Variants in PTPRD observed in about 807,000 individuals in gnomAD.
PTPRD encodes the protein protein tyrosine phosphatase receptor type D.
A neutral mutation model predicts 214.5 loss-of-function variants in PTPRD; 34 were observed. That is an observed-to-expected ratio of 0.16 (90% confidence interval 0.12 to 0.21). The LOEUF is 0.21. Ranked by LOEUF, PTPRD falls within the 10% of genes least tolerant of loss-of-function variation. The pLI is 1.00. For synonymous variants in PTPRD, 1,128 were observed against 845.7 expected, an observed-to-expected ratio of 1.33 and a Z score of -5.79; for missense variants, 2,545 against 2,398.7, an observed-to-expected ratio of 1.06 and a Z score of -1.27.
chr9:10,192,088 T>C (rs954993209), intron 3 of PTPRD, among the ~76,000 whole-genome samples: 38 of 152,212 alleles, frequency 2.5e-4, no homozygotes, highest in African/African-American at 8.7e-4. Context: ...GTGATACATA[T>C]TTTATCATAA....
At position 10,113,599 on chromosome 9, in the gene PTPRD, C is replaced by G. The variant is rs755401010; in HGVS notation, c.-544-79809G>C. On this transcript the variant is annotated intron_variant, in intron 3 of 45. Coordinates refer to ENST00000381196, the MANE Select transcript of PTPRD (RefSeq NM_002839.4). Reference sequence around the variant, plus strand: ...ACAGATTCCAGACACCTCTCCAGACCTAGAGAAACAATCTCCAGCGAGAGA... The same window carrying G: ...ACAGATTCCAGACACCTCTCCAGACGTAGAGAAACAATCTCCAGCGAGAGA... Among the ~76,000 whole-genome samples, 3 of 152,098 alleles carry G rather than the reference C, an allele frequency of 2.0e-5. No homozygotes were observed. In the South Asian group the frequency reaches 6.2e-4, roughly 31 times the overall value.
intron 5 of PTPRD, among the ~76,000 whole-genome samples, chr9:9,884,561 C>T (rs10117984): frequency 0.023 from 3,550 of 152,200 alleles, 55 homozygotes; most frequent in Middle Eastern, 0.044. Flanking sequence ...GCTGGAAAGG[C>T]CTTGAAGACA....
intron 11 of PTPRD, among the ~76,000 whole-genome samples, chr9:8,782,459 A>C (rs1352629643): frequency 6.6e-6 from 1 of 152,036 alleles, no homozygotes; most frequent in Non-Finnish European, 1.5e-5. Context: ...CTCCTATCTA[A>C]CTGTAATTTT....
At chr9:10,240,874 C>G (rs569974444) in intron 3 of PTPRD, among the ~76,000 whole-genome samples, 13 of 151,690 alleles carry the variant, frequency 8.6e-5, no homozygotes, top group Non-Finnish European at 1.0e-4. Context: ...AATAATTAGA[C>G]TTTTTCAAAA....
chr9:10,520,052 A>G (rs2051639377), intron 2 of PTPRD, among the ~76,000 whole-genome samples: 3 of 152,176 alleles, frequency 2.0e-5, no homozygotes, highest in African/African-American at 7.2e-5. Context: ...AAGTAAAAGG[A>G]AGAGTCCCAT....
intron 6 of PTPRD, among the ~76,000 whole-genome samples, chr9:9,739,083 C>A (rs924900063): frequency 2.1e-4 from 32 of 152,130 alleles, no homozygotes; most frequent in African/African-American, 7.7e-4. Flanking sequence ...CACACTTACA[C>A]AATAATAGTT....
chr9:9,304,520 G>C (rs1956487534), intron 9 of PTPRD, among the ~76,000 whole-genome samples: 1 of 151,870 alleles, frequency 6.6e-6, no homozygotes, highest in African/African-American at 2.4e-5. Context: ...TGTGGAACTT[G>C]GAGCATTTTA....
intron 6 of PTPRD, among the ~76,000 whole-genome samples, chr9:9,757,062 T>C (rs1355322191): frequency 6.6e-6 from 1 of 152,210 alleles, no homozygotes; most frequent in Non-Finnish European, 1.5e-5. Context: ...TATTTTATCT[T>C]AGATGGTCTA....
At chr9:10,607,209 T>A (rs995028337) in intron 2 of PTPRD, among the ~76,000 whole-genome samples, 1 of 151,860 alleles carries the variant, frequency 6.6e-6, no homozygotes, top group Non-Finnish European at 1.5e-5. Context: ...ATTTCAAATT[T>A]AAAATATTTA....
intron 11 of PTPRD, among the ~76,000 whole-genome samples, chr9:8,776,478 A>G (rs1233072652): frequency 6.6e-6 from 1 of 151,666 alleles, no homozygotes; most frequent in Non-Finnish European, 1.5e-5. Flanking sequence ...ATTTTTGGTT[A>G]GTAAAGATGG....
At chr9:10,403,598 A>G (rs1325627112) in intron 2 of PTPRD, among the ~76,000 whole-genome samples, 1 of 151,548 alleles carries the variant, frequency 6.6e-6, no homozygotes, top group African/African-American at 2.4e-5. Flanking sequence ...CATGGGCTCC[A>G]GCAAGTGAGC....
intron 10 of PTPRD, among the ~76,000 whole-genome samples, chr9:9,175,898 G>A (rs1436376018): frequency 6.6e-6 from 1 of 152,000 alleles, no homozygotes. Flanking sequence ...ATAACTTAAT[G>A]CCCCAAATCT....
At chr9:9,171,813 G>A (rs1403971877) in intron 10 of PTPRD, among the ~76,000 whole-genome samples, 1 of 151,970 alleles carries the variant, frequency 6.6e-6, no homozygotes. Flanking sequence ...AAAGTTCATA[G>A]AATAAATCTC....
chr9:8,518,334 A>T lies in PTPRD; in HGVS notation c.1057T>A (p.Tyr353Asn), dbSNP rs2097823260. Residue 353 changes from tyrosine (Y) to asparagine (N), a missense_variant, in exon 21 of 46, where the codon TAT (tyrosine) becomes AAT (asparagine). Tyr to Asn is a moderately radical substitution (Grantham distance 143). Transcript: ENST00000381196. ...TTAGGTTTATGCTGAATTATGTAAT[A>T]AGAAACAGGCTCAGGGTTCCCAGAG... is the stretch of plus-strand genomic sequence containing the variant. ...WDSGNPEPVS[Y>N]YIIQHKPKNS... 1 of 1,614,146 alleles carries T rather than the reference A, an allele frequency of 6.2e-7. No individual in the cohort carries two copies. Among genetic ancestry groups the T allele is most frequent in the Non-Finnish European group, 8.5e-7 (1 of 1,180,012 alleles).
chr9:9,856,124 TCCGG>T (rs1373351139), intron 5 of PTPRD, among the ~76,000 whole-genome samples: 1 of 152,100 alleles, frequency 6.6e-6, no homozygotes, highest in Admixed American at 6.5e-5. Context: ...TCACCTGAAG[TCCGG>T]CCATCTGCGG....
intron 3 of PTPRD, among the ~76,000 whole-genome samples, chr9:10,194,632 A>G (rs1188669078): frequency 6.6e-6 from 1 of 151,224 alleles, no homozygotes; most frequent in Non-Finnish European, 1.5e-5. Context: ...AGCACTATAA[A>G]TTATTTCTCC....
At chr9:9,041,465 A>G (rs1164178405) in intron 10 of PTPRD, among the ~76,000 whole-genome samples, 1 of 152,068 alleles carries the variant, frequency 6.6e-6, no homozygotes, top group African/African-American at 2.4e-5. Context: ...AACATGCGGT[A>G]TTTGATTTTC....
intron 11 of PTPRD, among the ~76,000 whole-genome samples, chr9:8,803,120 A>G (rs973531019): frequency 6.6e-6 from 1 of 152,140 alleles, no homozygotes; most frequent in Admixed American, 6.6e-5. Context: ...TAGGGCGGTT[A>G]AAAGAACTAC....
intron 6 of PTPRD, among the ~76,000 whole-genome samples, chr9:9,764,955 T>G (rs1200356120): frequency 6.6e-6 from 1 of 152,142 alleles, no homozygotes; most frequent in African/African-American, 2.4e-5. Flanking sequence ...TGCACATCCA[T>G]GGGAAACTGA....
Sources: allele counts gnomAD v4.1 joint callset (sites outside exome capture counted in the v4.1 genomes callset), GRCh38; gene constraint gnomAD v4.1.1; transcripts MANE v1.5; gene names NCBI Gene and HGNC (gene_info 2026-07-23, HGNC 2026-07-21).